Variants in SLMAP observed in about 807,000 individuals in gnomAD.
SLMAP encodes sarcolemma associated protein.
SLMAP carries 44 observed loss-of-function variants against 128.8 expected under a neutral mutation model. That is an observed-to-expected ratio of 0.34 (90% confidence interval 0.27 to 0.44). The LOEUF is 0.44. Ranked by LOEUF, SLMAP falls within the 20% of genes least tolerant of loss-of-function variation. SLMAP has a pLI of 1.00. For missense variants in SLMAP, 787 were observed against 985.3 expected, an observed-to-expected ratio of 0.80 and a Z score of 2.69; for synonymous variants, 327 against 348.8, an observed-to-expected ratio of 0.94 and a Z score of 0.70.
chr3:57,758,359 G>C (rs944899550), intron 2 of SLMAP, among the ~76,000 whole-genome samples: 10 of 152,192 alleles, frequency 6.6e-5, no homozygotes, highest in Non-Finnish European at 1.0e-4. Context: ...TGAAAGGTTT[G>C]ATACATACTT....
chr3:57,847,566 A>G (rs190662997), intron 5 of SLMAP, among the ~76,000 whole-genome samples: 1 of 152,326 alleles, frequency 6.6e-6, no homozygotes, highest in Non-Finnish European at 1.5e-5. Context: ...TTAAGTTTCT[A>G]CCTAAATAGT....
intron 19 of SLMAP, among the ~76,000 whole-genome samples, chr3:57,911,847 G>A (rs946139499): frequency 2.9e-5 from 4 of 138,550 alleles, no homozygotes; most frequent in Admixed American, 8.0e-5. Context: ...ACAGAAAAAC[G>A]AATCAAGGGC....
At chr3:57,795,590 A>G (rs2086545218) in intron 2 of SLMAP, among the ~76,000 whole-genome samples, 1 of 152,132 alleles carries the variant, frequency 6.6e-6, no homozygotes, top group African/African-American at 2.4e-5. Flanking sequence ...TATATTCAGG[A>G]TATAATTCCT....
intron 15 of SLMAP, chr3:57,896,295 G>T (rs2096243095): frequency 7.9e-7 from 1 of 1,272,060 alleles, no homozygotes; most frequent in Non-Finnish European, 9.9e-7. Context: ...CAGCAAAGCA[G>T]ACATGATCCA....
intron 2 of SLMAP, among the ~76,000 whole-genome samples, chr3:57,819,625 T>C (rs996110830): frequency 7.2e-5 from 11 of 152,236 alleles, no homozygotes; most frequent in Admixed American, 7.2e-4. Flanking sequence ...ATGGAGCCCA[T>C]TGTATGCATT....
rs1245639315 is a variant in SLMAP, at chr3:57,860,684, T to C, written c.688-15T>C. ...AAAATAACTTGTCTATAATTATAAA[T>C]ATCTTTTATTGTAGAATCAAACAGA... On this transcript the variant is annotated splice_polypyrimidine_tract_variant and intron_variant, in intron 8 of 24. Transcript: ENST00000671191. 4 of 1,508,458 alleles carry C rather than the reference T, an allele frequency of 2.7e-6. No individual in the cohort carries two copies. The Admixed American group carries it at 7.0e-5, about 27-fold the overall frequency. The allele number at this position is 1,508,458 out of a possible 1,614,324, so 93.4% of individuals were successfully genotyped here.
Position 57,913,259 on chromosome 3 carries a change from GA to G in SLMAP, c.2127del (p.Glu710AsnfsTer10). Reference sequence around the variant, plus strand: ...GCTATCATCAGAACTGCAACGGCAAGAAAAAGAATTGCACAAGTATGCAAGA... The same window carrying G: ...GCTATCATCAGAACTGCAACGGCAAGAAAAGAATTGCACAAGTATGCAAGA... Reference protein sequence around the residue: ...VLLSSELQRQEKELHNSQKQS... With the variant: ...VLLSSELQRQXKELHNSQKQS... On this transcript the variant is annotated frameshift_variant, in exon 21 of 25. Coordinates refer to ENST00000671191, the MANE Select transcript of SLMAP (RefSeq NM_001377540.1). LOFTEE classifies it high-confidence loss of function. 2 of 1,539,848 alleles carry G rather than the reference GA, an allele frequency of 1.3e-6. No homozygotes were observed. The highest frequency in any genetic ancestry group is 1.2e-5 in the South Asian group (1 of 84,552).
chr3:57,874,593 C>G (rs910730724), intron 14 of SLMAP, among the ~76,000 whole-genome samples: 2 of 150,806 alleles, frequency 1.3e-5, no homozygotes, highest in Admixed American at 6.6e-5. Context: ...AGTGAGGTGG[C>G]TCACGCCTGT....
intron 2 of SLMAP, among the ~76,000 whole-genome samples, chr3:57,826,076 C>G (rs2092905347): frequency 6.6e-6 from 1 of 151,924 alleles, no homozygotes. Context: ...TTTTTAAAAC[C>G]TTTTATTTAC....
intron 14 of SLMAP, among the ~76,000 whole-genome samples, chr3:57,887,511 C>T (rs1359308971): frequency 6.6e-6 from 1 of 152,146 alleles, no homozygotes; most frequent in Non-Finnish European, 1.5e-5. Flanking sequence ...CATGCCCAGC[C>T]AAGCCATGAA....
At chr3:57,898,275 A>G (rs1446521628) in intron 17 of SLMAP, 4 of 152,214 alleles carry the variant, frequency 2.6e-5, no homozygotes, top group Non-Finnish European at 4.4e-5. Flanking sequence ...GAAATGCAAT[A>G]CCATTATTGT....
intron 2 of SLMAP, among the ~76,000 whole-genome samples, chr3:57,812,412 T>G (rs1303134253): frequency 2.0e-5 from 3 of 152,236 alleles, no homozygotes; most frequent in Non-Finnish European, 4.4e-5. Flanking sequence ...GACTGTCTAT[T>G]CTATTCATAT....
chr3:57,839,878 G>A (rs574022237), intron 3 of SLMAP, among the ~76,000 whole-genome samples: 80 of 151,146 alleles, frequency 5.3e-4, no homozygotes, highest in African/African-American at 1.8e-3. Context: ...TTTAGTAGAG[G>A]GGTTTTGCCA....
At position 57,912,678 on chromosome 3, in the gene SLMAP, G is replaced by A. The variant is rs1271547211; in HGVS notation, c.1997G>A (p.Arg666Lys). Residue 666 changes from arginine (R) to lysine (K), a missense_variant, in exon 20 of 25, where the codon AGA (arginine) becomes AAA (lysine). Arg to Lys is a conservative substitution (Grantham distance 26, BLOSUM62 2). Coordinates refer to ENST00000671191, the MANE Select transcript of SLMAP (RefSeq NM_001377540.1). ...TGTCAACAGTGTGAGGACCAGCAGA[G>A]AGAAGAAGCAACAAGGTTGCAAGGT... Reference protein sequence around the residue: ...LRCQQCEDQQREEATRLQGEL... With the variant: ...LRCQQCEDQQKEEATRLQGEL... The A allele has an allele frequency of 3.1e-6, 5 of 1,611,622 alleles. No homozygotes were observed. In the African/African-American group the frequency reaches 4.0e-5, roughly 13 times the overall value.
intron 2 of SLMAP, among the ~76,000 whole-genome samples, chr3:57,762,260 C>T (rs757574847): frequency 4.3e-4 from 65 of 150,454 alleles, no homozygotes; most frequent in Non-Finnish European, 7.5e-4. Flanking sequence ...CCCAGCTACT[C>T]GGGAAGGCTG....
intron 2 of SLMAP, among the ~76,000 whole-genome samples, chr3:57,786,752 GAGTTGGA>G (rs2084248941): frequency 1.4e-4 from 9 of 66,562 alleles, no homozygotes; most frequent in African/African-American, 4.8e-4. Context: ...TTTTTTTTTT[GAGTTGGA>G]GTCTCGCTCT....
At chr3:57,871,294 AATTT>A (rs1469812514) in intron 13 of SLMAP, among the ~76,000 whole-genome samples, 2 of 152,038 alleles carry the variant, frequency 1.3e-5, no homozygotes, top group African/African-American at 2.4e-5. Context: ...CTTGAAAATT[AATTT>A]AATTTAATAA....
intron 3 of SLMAP, among the ~76,000 whole-genome samples, chr3:57,834,666 CTG>C (rs2093534149): frequency 6.6e-6 from 1 of 151,972 alleles, no homozygotes; most frequent in South Asian, 2.1e-4. Context: ...CAGATAAACC[CTG>C]TGTTATTTAA....
chr3:57,882,782 G>C (rs1036101177), intron 14 of SLMAP, among the ~76,000 whole-genome samples: 2 of 152,114 alleles, frequency 1.3e-5, no homozygotes, highest in African/African-American at 4.8e-5. Flanking sequence ...CTAAGGGTGA[G>C]AGAGTTTGGA....
Sources: gnomAD v4.1 joint callset for allele counts (sites outside exome capture counted in the v4.1 genomes callset) on GRCh38, gnomAD v4.1.1 for gene constraint, MANE v1.5 for transcripts, NCBI Gene and HGNC (gene_info 2026-07-23, HGNC 2026-07-21) for gene names.